ZNF621: variants seen among roughly 807,000 people sequenced by gnomAD.
ZNF621 encodes the protein zinc finger protein 621.
In ZNF621, 6 loss-of-function variants were observed where a neutral mutation model predicts 12.7. That is an observed-to-expected ratio of 0.47 (90% confidence interval 0.26 to 0.93). The LOEUF is 0.93. Among genes scored for constraint, ZNF621 ranks in the 40% least tolerant of loss-of-function variants. The probability of loss-of-function intolerance (pLI) is 0.15; values close to 1 mark genes in which losing one functional copy is unlikely to be tolerated. For synonymous variants in ZNF621, 156 were observed against 190.3 expected, an observed-to-expected ratio of 0.82 and a Z score of 1.48; for missense variants, 474 against 524.0, an observed-to-expected ratio of 0.90 and a Z score of 0.93.
chr3:40,529,163 C>A, intron 2 of ZNF621, 156 bp from the exon 3 acceptor site: 1 of 810,586 alleles, frequency 1.2e-6, no homozygotes, highest in Non-Finnish European at 1.9e-6. Flanking sequence ...TGAGGGCTCG[C>A]CCCTGGCTGT....
At position 40,532,037 on chromosome 3, in the gene ZNF621, G is replaced by A. The variant is rs755994255; in HGVS notation, c.267G>A (p.Glu89=). The change falls in exon 5 of 5, where the codon GAG becomes GAA. Residue 89 remains glutamate (E), a synonymous_variant. Coordinates refer to ENST00000339296, the MANE Select transcript of ZNF621 (RefSeq NM_198484.5). ...TGTGGTTTCTTTGGTCAGGTGGTGA[G>A]TCCTGGATCAAAAATGAAGGGCTAG... is the stretch of plus-strand genomic sequence containing the variant. ...EILRGISQGG[E]SWIKNEGLVI... The A allele has an allele frequency of 4.3e-6, 7 of 1,610,452 alleles. No individual in the cohort carries two copies. Among genetic ancestry groups the A allele is most frequent in the Non-Finnish European group, 5.9e-6 (7 of 1,178,560 alleles).
intron 4 of ZNF621, among the ~76,000 whole-genome samples, chr3:40,531,737 AT>A (rs973617353): frequency 6.6e-6 from 1 of 151,488 alleles, no homozygotes; most frequent in East Asian, 1.9e-4. Flanking sequence ...TAATTTTTGT[AT>A]TTTTTTGTGG....
Position 40,537,403 on chromosome 3 carries a change from ACCAG to A in ZNF621, c.*4315_*4318del, listed in dbSNP as rs1164879052. The A allele has an allele frequency of 6.6e-6, 1 of 152,254 alleles. No individual in the cohort carries two copies. The highest frequency in any genetic ancestry group is 6.5e-5 in the Admixed American group (1 of 15,282). 9.4% of individuals were successfully genotyped at this position (152,254 alleles called of 1,614,324 possible). A position where few individuals can be genotyped will look rare whatever the true frequency, so the allele number is the denominator to read the frequency against. On this transcript the variant is annotated 3_prime_UTR_variant, in exon 5 of 5. Coordinates refer to ENST00000339296, the MANE Select transcript of ZNF621 (RefSeq NM_198484.5). ...GATCCCCTGAAGCCAGGAGTCCGAG[ACCAG>A]CTTGGGCCACAAAGTGAGACCCCTG...
Position 40,536,987 on chromosome 3 carries a change from G to A in ZNF621, c.*3897G>A, listed in dbSNP as rs1310695224. The A allele has an allele frequency of 6.6e-6, 1 of 152,206 alleles. No individual in the cohort carries two copies. The highest frequency in any genetic ancestry group is 6.5e-5 in the Admixed American group (1 of 15,290). The allele number at this position is 152,206 out of a possible 1,614,324, so 9.4% of individuals were successfully genotyped here. ...GACAGTGAGCTTAGTTGATGTGTGT[G>A]TGTGTGTTCTGATTACTCCACTAAC... is the stretch of plus-strand genomic sequence containing the variant. On this transcript the variant is annotated 3_prime_UTR_variant, in exon 5 of 5. Transcript: ENST00000339296.
chr3:40,535,497 C>T lies in ZNF621; in HGVS notation c.*2407C>T, dbSNP rs1698845703. The stretch of plus-strand genomic sequence containing the variant: ...GGTTCCAGTGGAAACTCAGCAGCTG[C>T]TGGTGCCTGCTACTGGACTGCCACC... On this transcript the variant is annotated 3_prime_UTR_variant, in exon 5 of 5. Coordinates refer to ENST00000339296, the MANE Select transcript of ZNF621 (RefSeq NM_198484.5). 6.6e-6 allele frequency: 1 copy of T among 152,254 alleles called. No individual in the cohort carries two copies. The highest frequency in any genetic ancestry group is 2.1e-4 in the South Asian group (1 of 4,838). 9.4% of individuals were successfully genotyped at this position (152,254 alleles called of 1,614,324 possible).
In ZNF621 at chr3:40,530,288, C is replaced by T; in HGVS notation, c.231C>T (p.Asp77=). The T allele has an allele frequency of 1.2e-6, 2 of 1,613,932 alleles. No homozygotes were observed. The highest frequency in any genetic ancestry group is 1.7e-6 in the Non-Finnish European group (2 of 1,179,918). ...GEAPWGPDPW[D]TEILRGISQG... ...CACCATGGGGCCCAGATCCCTGGGA[C>T]ACCGAGATTCTGAGAGGCATCAGTC... Residue 77 remains aspartate, a synonymous_variant, in exon 4 of 5, where the codon GAC becomes GAT. Transcript: ENST00000339296.
In ZNF621 at chr3:40,538,117, G is replaced by A. The variant is rs1053703212; in HGVS notation, c.*5027G>A. On this transcript the variant is annotated 3_prime_UTR_variant, in exon 5 of 5. Coordinates refer to ENST00000339296, the MANE Select transcript of ZNF621 (RefSeq NM_198484.5). ...ATTATGCTAAATCCACTCTGCCTGT[G>A]CTCTAGAAATGGAAGATCAAAGCCT... is the stretch of plus-strand genomic sequence containing the variant. Among the ~76,000 whole-genome samples, 5 of 152,302 alleles carry A rather than the reference G, an allele frequency of 3.3e-5. No individual in the cohort carries two copies. Among genetic ancestry groups the A allele is most frequent in the African/African-American group, 1.2e-4 (5 of 41,562 alleles).
In ZNF621 at chr3:40,529,376, C is replaced by G. The variant is rs376456065; in HGVS notation, c.82C>G (p.Leu28Val). The change falls in exon 3 of 5, where the codon CTC (leucine) becomes GTC (valine). Residue 28 changes from leucine to valine, a missense_variant. By Grantham distance (32) the Leu-to-Val change is conservative. Transcript: ENST00000339296. ...VYFTQNQWAS[L>V]DPAQRALYGE... ...CTTCACCCAGAATCAATGGGCCAGCCTCGACCCTGCGCAGAGGGCCCTGTA... is the reference window on the plus strand; with the variant it reads ...CTTCACCCAGAATCAATGGGCCAGCGTCGACCCTGCGCAGAGGGCCCTGTA... The G allele has an allele frequency of 2.8e-4, 455 of 1,613,964 alleles. 6 individuals are homozygous for G. Among genetic ancestry groups the G allele is most frequent in the South Asian group, 2.7e-3 (248 of 91,082 alleles).
rs1343189719 is a variant in ZNF621, at chr3:40,532,389, T to A, written c.619T>A (p.Tyr207Asn). ...GAAAAACCACATTGGAGAAGGGCCCTATGAATGTAAGGAGTGTGGCAAAGG... is the reference window on the plus strand; with the variant it reads ...GAAAAACCACATTGGAGAAGGGCCCAATGAATGTAAGGAGTGTGGCAAAGG... Reference protein sequence around the residue: ...HEKNHIGEGPYECKECGKGLS... With the variant: ...HEKNHIGEGPNECKECGKGLS... The change falls in exon 5 of 5, where the codon TAT becomes AAT. Residue 207 changes from tyrosine (Y) to asparagine (N), a missense_variant. By Grantham distance (143) the Tyr-to-Asn change is moderately radical. Transcript: ENST00000339296. 6.2e-7 allele frequency: 1 copy of A among 1,613,380 alleles called. No individual in the cohort carries two copies. Among genetic ancestry groups the A allele is most frequent in the East Asian group, 2.2e-5 (1 of 44,878 alleles).
chr3:40,525,912 T>C (rs1181176133), intron 2 of ZNF621, 48 bp downstream of exon 2: 4 of 1,604,982 alleles, frequency 2.5e-6, no homozygotes, highest in Admixed American at 1.7e-5. Context: ...TTATGTTTTT[T>C]TACTCACATT....
rs1187870193 is a variant in ZNF621 at position 40,533,796 on chromosome 3, T to G, written c.*706T>G. ...TTGGAATAAGCTTCCAACAATGGACTGTAGAGATTAATGGAGATTGTTTAG... is the reference window on the plus strand; with the variant it reads ...TTGGAATAAGCTTCCAACAATGGACGGTAGAGATTAATGGAGATTGTTTAG... On this transcript the variant is annotated 3_prime_UTR_variant, in exon 5 of 5. Coordinates refer to ENST00000339296, the MANE Select transcript of ZNF621 (RefSeq NM_198484.5). 1 of 152,518 alleles carries G rather than the reference T, an allele frequency of 6.6e-6. No homozygotes were observed. Among genetic ancestry groups the G allele is most frequent in the Non-Finnish European group, 1.5e-5 (1 of 68,196 alleles). The allele number at this position is 152,518 out of a possible 1,614,324, so 9.4% of individuals were successfully genotyped here.
intron 2 of ZNF621, 135 bp downstream of exon 2, chr3:40,525,999 AG>A: frequency 4.2e-6 from 4 of 959,846 alleles, no homozygotes; most frequent in Non-Finnish European, 6.3e-6. Context: ...ATCTATCTCC[AG>A]GGCTATGGCA....
At position 40,532,535 on chromosome 3, in the gene ZNF621, A is replaced by T. The variant is rs1156538440; in HGVS notation, c.765A>T (p.Arg255Ser). 2 of 1,614,048 alleles carry T rather than the reference A, an allele frequency of 1.2e-6. No individual in the cohort carries two copies. The highest frequency in any genetic ancestry group is 1.7e-6 in the Non-Finnish European group (2 of 1,180,052). ...RRSAAYLQHQ[R>S]LHTGEKLYKC... ...GTGCGGCATACCTGCAGCATCAGAG[A>T]TTACACACGGGAGAGAAACTCTATA... Residue 255 changes from arginine (R) to serine (S), a missense_variant, in exon 5 of 5, where the codon AGA (arginine) becomes AGT (serine). Arg to Ser is a moderately radical substitution (Grantham distance 110, BLOSUM62 -1). Transcript: ENST00000339296.
Position 40,532,913 on chromosome 3 carries a change from G to T in ZNF621, c.1143G>T (p.Val381=). Residue 381 remains valine, a synonymous_variant, in exon 5 of 5, where the codon GTG becomes GTT. Transcript: ENST00000339296. The stretch of plus-strand genomic sequence containing the variant: ...CCTGTTCTGCTTCAGCCGTAGCTGT[G>T]CCTTCACTGACCTTTCCACATGCTG... The part of the protein sequence containing the change: ...QGSCSASAVA[V]PSLTFPHAVL... The T allele has an allele frequency of 6.3e-7, 1 of 1,576,880 alleles. No individual in the cohort carries two copies. The highest frequency in any genetic ancestry group is 2.4e-5 in the East Asian group (1 of 42,552).
intron 4 of ZNF621, among the ~76,000 whole-genome samples, chr3:40,530,626 TG>T (rs2125675053): frequency 6.6e-6 from 1 of 152,366 alleles, no homozygotes; most frequent in East Asian, 1.9e-4. Flanking sequence ...CATTTTTCAT[TG>T]CAAAGAAGTG....
chr3:40,537,113 A>G lies in ZNF621; in HGVS notation c.*4023A>G, dbSNP rs778119124. On this transcript the variant is annotated 3_prime_UTR_variant, in exon 5 of 5. Coordinates refer to ENST00000339296, the MANE Select transcript of ZNF621 (RefSeq NM_198484.5). The stretch of plus-strand genomic sequence containing the variant: ...ATTGATAACCTTACAAACACCTTTA[A>G]GTGTTTAAGTGAAAAAGTCACATGC... 1 of 152,206 alleles carries G rather than the reference A, an allele frequency of 6.6e-6. No individual in the cohort carries two copies. Among genetic ancestry groups the G allele is most frequent in the African/African-American group, 2.4e-5 (1 of 41,434 alleles). The allele number at this position is 152,206 out of a possible 1,614,324, so 9.4% of individuals were successfully genotyped here.
chr3:40,538,674 C>T lies in ZNF621; in HGVS notation c.*5584C>T, dbSNP rs1262261238. On this transcript the variant is annotated 3_prime_UTR_variant, in exon 5 of 5. Transcript: ENST00000339296. ...TCCATGGGTCAAGGAGTAATTTTGA[C>T]TTTCAAGTATTATTTAAGGAATACA... 6.6e-6 allele frequency: 1 copy of T among 152,462 alleles called. No homozygotes were observed. Among genetic ancestry groups the T allele is most frequent in the African/African-American group, 2.4e-5 (1 of 41,430 alleles). 9.4% of individuals were successfully genotyped at this position (152,462 alleles called of 1,614,324 possible).
chr3:40,534,825 C>G lies in ZNF621; in HGVS notation c.*1735C>G, dbSNP rs557949855. 4 of 152,334 alleles carry G rather than the reference C, an allele frequency of 2.6e-5. No homozygotes were observed. Among genetic ancestry groups the G allele is most frequent in the African/African-American group, 9.6e-5 (4 of 41,566 alleles). 9.4% of individuals were successfully genotyped at this position (152,334 alleles called of 1,614,324 possible). On this transcript the variant is annotated 3_prime_UTR_variant, in exon 5 of 5. Coordinates refer to ENST00000339296, the MANE Select transcript of ZNF621 (RefSeq NM_198484.5). The stretch of plus-strand genomic sequence containing the variant: ...TCATGCTCGCTTGGCAAAACCTCAT[C>G]TCTGACTAAATGCAGTTCTTTGCCT...
rs1425858589 is a variant in ZNF621 at position 40,536,345 on chromosome 3, A to G, written c.*3255A>G. On this transcript the variant is annotated 3_prime_UTR_variant, in exon 5 of 5. Coordinates refer to ENST00000339296, the MANE Select transcript of ZNF621 (RefSeq NM_198484.5). ...GTGATCCACCCACCTCGGTCTCCCA[A>G]AGTGTTGGGATTACAGGCGTGAGCC... is the stretch of plus-strand genomic sequence containing the variant. 1.3e-5 allele frequency: 2 copies of G among 152,226 alleles called. No individual in the cohort carries two copies. Among genetic ancestry groups the G allele is most frequent in the Admixed American group, 6.5e-5 (1 of 15,276 alleles). 9.4% of individuals were successfully genotyped at this position (152,226 alleles called of 1,614,324 possible).
Sources: gnomAD v4.1 joint callset for allele counts (sites outside exome capture counted in the v4.1 genomes callset) on GRCh38, gnomAD v4.1.1 for gene constraint, MANE v1.5 for transcripts, NCBI Gene and HGNC (gene_info 2026-07-23, HGNC 2026-07-21) for gene names.